Variants in UNC5C observed in about 807,000 individuals in gnomAD.
UNC5C encodes the protein unc-5 netrin receptor C, also known as netrin receptor UNC5C.
UNC5C carries 47 observed loss-of-function variants against 99.8 expected under a neutral mutation model. That is an observed-to-expected ratio of 0.47 (90% confidence interval 0.37 to 0.60). The LOEUF (loss-of-function observed/expected upper bound fraction) is 0.60. UNC5C is among the 20% of genes least tolerant of loss of function. The probability of loss-of-function intolerance (pLI) is 0.00; values close to 1 mark genes in which losing one functional copy is unlikely to be tolerated. For missense variants in UNC5C, 1,062 were observed against 1,165.9 expected (o/e 0.91, Z 1.30); for synonymous variants, 487 against 452.2 (o/e 1.08, Z -0.98).
At chr4:95,350,491 A>G (rs933702725) in intron 1 of UNC5C, among the ~76,000 whole-genome samples, 1 of 152,184 alleles carries the variant, frequency 6.6e-6, no homozygotes, top group African/African-American at 2.4e-5. Flanking sequence ...GTCTCAAAAA[A>G]AAAAAAGTTC....
chr4:95,328,528 G>A (rs949285665), intron 2 of UNC5C, among the ~76,000 whole-genome samples: 4 of 140,920 alleles, frequency 2.8e-5, no homozygotes, highest in Non-Finnish European at 6.2e-5. Flanking sequence ...ATAAACATAC[G>A]TGTGCATGTG....
chr4:95,509,782 A>T (rs1231876226), intron 1 of UNC5C, among the ~76,000 whole-genome samples: 1 of 151,954 alleles, frequency 6.6e-6, no homozygotes, highest in Non-Finnish European at 1.5e-5. Context: ...AATTATTTGC[A>T]TAATAGTAAT....
chr4:95,265,877 G>T (rs1336656082), intron 4 of UNC5C, among the ~76,000 whole-genome samples: 1 of 152,072 alleles, frequency 6.6e-6, no homozygotes, highest in Non-Finnish European at 1.5e-5. Flanking sequence ...CCCTCCTGGG[G>T]TTGTAGGGGG....
At chr4:95,398,027 G>A (rs1244542631) in intron 1 of UNC5C, among the ~76,000 whole-genome samples, 4 of 131,112 alleles carry the variant, frequency 3.1e-5, no homozygotes, top group Admixed American at 7.6e-5. Flanking sequence ...TTCCCAATGA[G>A]AAGTAGCCAA....
At chr4:95,190,926 A>G (rs896961355) in intron 12 of UNC5C, among the ~76,000 whole-genome samples, 2 of 152,196 alleles carry the variant, frequency 1.3e-5, no homozygotes, top group African/African-American at 4.8e-5. Flanking sequence ...TCCACAGTAG[A>G]AACAAGCAGC....
At chr4:95,190,722 C>G (rs932594556) in intron 12 of UNC5C, among the ~76,000 whole-genome samples, 7 of 152,134 alleles carry the variant, frequency 4.6e-5, no homozygotes, top group Non-Finnish European at 1.0e-4. Context: ...CATCTACACA[C>G]GCGAACCATC....
intron 12 of UNC5C, among the ~76,000 whole-genome samples, chr4:95,190,543 C>G (rs1357060572): frequency 1.3e-5 from 2 of 152,060 alleles, no homozygotes; most frequent in Non-Finnish European, 2.9e-5. Context: ...TCCTTGAACT[C>G]TTGCACTCAA....
At chr4:95,179,182 C>A (rs985234508) in intron 14 of UNC5C, among the ~76,000 whole-genome samples, 3 of 152,146 alleles carry the variant, frequency 2.0e-5, no homozygotes, top group African/African-American at 7.2e-5. Flanking sequence ...AGTCCTGAAA[C>A]AACTTTCTAT....
At chr4:95,490,350 G>C (rs1259941505) in intron 1 of UNC5C, among the ~76,000 whole-genome samples, 1 of 151,670 alleles carries the variant, frequency 6.6e-6, no homozygotes, top group African/African-American at 2.4e-5. Flanking sequence ...AAAGTTCATA[G>C]TAAAATAAGC....
chr4:95,343,412 C>T (rs1743651690), intron 1 of UNC5C, among the ~76,000 whole-genome samples: 1 of 152,098 alleles, frequency 6.6e-6, no homozygotes, highest in Non-Finnish European at 1.5e-5. Flanking sequence ...TTATCCAAGA[C>T]CACAAGACCT....
intron 1 of UNC5C, among the ~76,000 whole-genome samples, chr4:95,489,694 A>C (rs1238867439): frequency 2.0e-5 from 3 of 151,720 alleles, no homozygotes; most frequent in Non-Finnish European, 4.4e-5. Context: ...TATGCCGTGA[A>C]ATCAGTCTCA....
At chr4:95,342,732 C>G (rs1332137646) in intron 1 of UNC5C, among the ~76,000 whole-genome samples, 1 of 152,030 alleles carries the variant, frequency 6.6e-6, no homozygotes, top group African/African-American at 2.4e-5. Context: ...CCTTGAGGTT[C>G]CCAATTCCAG....
At chr4:95,467,715 A>T (rs1287823153) in intron 1 of UNC5C, among the ~76,000 whole-genome samples, 1 of 152,172 alleles carries the variant, frequency 6.6e-6, no homozygotes, top group Admixed American at 6.5e-5. Flanking sequence ...CCAACCCTTC[A>T]CATAGCCAAA....
chr4:95,421,619 T>TACACACACACACACACACACACAC (rs3069166), intron 1 of UNC5C, among the ~76,000 whole-genome samples: 34 of 149,648 alleles, frequency 2.3e-4, no homozygotes, highest in African/African-American at 6.9e-4. Context: ...CACTCTCTTT[T>TACACACACACACACACACACACAC]ACACACACAC....
At chr4:95,333,478 A>C (rs1027231189) in intron 2 of UNC5C, among the ~76,000 whole-genome samples, 4 of 150,968 alleles carry the variant, frequency 2.6e-5, no homozygotes, top group Admixed American at 1.3e-4. Flanking sequence ...AGGACAAAAA[A>C]CCAAACACCA....
At position 95,219,155 on chromosome 4, in the gene UNC5C, C is replaced by T. The variant is rs765858771; in HGVS notation, c.1459G>A (p.Ala487Thr). The T allele has an allele frequency of 6.2e-7, 1 of 1,613,982 alleles. No individual in the cohort carries two copies. The highest frequency in any genetic ancestry group is 1.3e-5 in the African/African-American group (1 of 74,882). ...LKIKVYNTSG[A>T]VTPQDDLSEF... ...GAGAGGTCATCTTGGGGGGTGACAGCACCTGAGGTGTTGTACACTTTGATT... is the reference window on the plus strand; with the variant it reads ...GAGAGGTCATCTTGGGGGGTGACAGTACCTGAGGTGTTGTACACTTTGATT... Residue 487 changes from alanine (A) to threonine (T), a missense_variant, in exon 9 of 16, where the codon GCT becomes ACT. By Grantham distance (58) the Ala-to-Thr change is moderately conservative. This residue lies in a region of UNC5C where 810 missense variants were observed against 854.5 expected (regional missense o/e 0.95). Transcript: ENST00000453304.
At chr4:95,322,220 A>G (rs560219789) in intron 2 of UNC5C, among the ~76,000 whole-genome samples, 1 of 152,340 alleles carries the variant, frequency 6.6e-6, no homozygotes, top group South Asian at 2.1e-4. Context: ...ATTTAAAATG[A>G]TTACATGGAG....
chr4:95,294,439 A>G (rs1741600168), intron 3 of UNC5C, among the ~76,000 whole-genome samples: 1 of 152,178 alleles, frequency 6.6e-6, no homozygotes, highest in Non-Finnish European at 1.5e-5. Flanking sequence ...AGGCTTTGTG[A>G]TGCTGGCTGT....
At chr4:95,343,283 C>A (rs1743647824) in intron 1 of UNC5C, among the ~76,000 whole-genome samples, 1 of 152,126 alleles carries the variant, frequency 6.6e-6, no homozygotes, top group South Asian at 2.1e-4. Flanking sequence ...TATGTCACCC[C>A]TCTTCAAGCT....
Sources: allele counts gnomAD v4.1 joint callset (sites outside exome capture counted in the v4.1 genomes callset), GRCh38; gene constraint gnomAD v4.1.1; regional missense constraint gnomAD v4.1.1; transcripts MANE v1.5; gene names NCBI Gene and HGNC (gene_info 2026-07-23, HGNC 2026-07-21).